SUMF1: variants seen among roughly 807,000 people sequenced by gnomAD.
The protein encoded by SUMF1 is formylglycine-generating enzyme.
In SUMF1, 48 loss-of-function variants were observed where a neutral mutation model predicts 47.6. The observed-to-expected ratio is 1.01, with a 90% CI of 0.80 to 1.28. The LOEUF is 1.28. Among genes scored for constraint, SUMF1 ranks in the 50% most tolerant of loss-of-function variants. The pLI is 0.00. For missense variants in SUMF1, 571 were observed against 485.4 expected (o/e 1.18, Z -1.66); for synonymous variants, 230 against 192.1 (o/e 1.20, Z -1.63).
At chr3:4,037,665 A>G (rs955815994) in intron 9 of SUMF1, among the ~76,000 whole-genome samples, 7 of 152,320 alleles carry the variant, frequency 4.6e-5, no homozygotes, top group Admixed American at 2.6e-4. Flanking sequence ...CATTTCAGAC[A>G]ACTCAGCTGG....
At chr3:4,376,455 G>A (rs1374392041) in intron 7 of SUMF1, 66 bp from the exon 8 acceptor site, 2 of 1,525,960 alleles carry the variant, frequency 1.3e-6, no homozygotes, top group Non-Finnish European at 1.8e-6. Flanking sequence ...CAGTGGGAGA[G>A]AATCCACTTT....
At chr3:4,426,856 T>G (rs893246606) in intron 3 of SUMF1, among the ~76,000 whole-genome samples, 1 of 152,190 alleles carries the variant, frequency 6.6e-6, no homozygotes, top group South Asian at 2.1e-4. Context: ...ATGACCTATT[T>G]CTAGTCAACC....
intron 8 of SUMF1, among the ~76,000 whole-genome samples, chr3:4,069,510 T>G (rs1226267882): frequency 6.6e-6 from 1 of 152,168 alleles, no homozygotes; most frequent in Non-Finnish European, 1.5e-5. Context: ...TAACATGCAA[T>G]CTATGTGCCC....
chr3:4,093,812 T>C (rs1419361777), intron 8 of SUMF1, among the ~76,000 whole-genome samples: 1 of 152,136 alleles, frequency 6.6e-6, no homozygotes, highest in Non-Finnish European at 1.5e-5. Context: ...TGTAAATTAT[T>C]CTCAGTTAAT....
intron 8 of SUMF1, among the ~76,000 whole-genome samples, chr3:4,182,380 TTAA>T (rs1695115089): frequency 6.7e-6 from 1 of 149,432 alleles, no homozygotes; most frequent in East Asian, 1.9e-4. Context: ...GTTATATCTA[TTAA>T]TAAATTATAT....
At position 4,452,895 on chromosome 3, in the gene SUMF1, G is replaced by A. The variant is rs2125133568; in HGVS notation, c.425C>T (p.Ser142Leu). The part of the protein sequence containing the change: ...SNTEFEKFVN[S>L]TGYLTEAEKF... Reference sequence around the variant, plus strand: ...CATTACCTCTGTCAAATAGCCAGTTGAGTTCACAAACTTCTCAAATTCAGT... The same window carrying A: ...CATTACCTCTGTCAAATAGCCAGTTAAGTTCACAAACTTCTCAAATTCAGT... Residue 142 changes from serine (S) to leucine (L), a missense_variant, in exon 2 of 9, where the codon TCA becomes TTA. By Grantham distance (145) the Ser-to-Leu change is moderately radical (BLOSUM62 -2). Coordinates refer to ENST00000272902, the MANE Select transcript of SUMF1 (RefSeq NM_182760.4). 1 of 1,614,160 alleles carries A rather than the reference G, an allele frequency of 6.2e-7. No individual in the cohort carries two copies. The highest frequency in any genetic ancestry group is 8.5e-7 in the Non-Finnish European group (1 of 1,180,042).
intron 3 of SUMF1, among the ~76,000 whole-genome samples, chr3:4,423,233 C>T (rs1701960864): frequency 6.6e-6 from 1 of 151,150 alleles, no homozygotes; most frequent in Non-Finnish European, 1.5e-5. Context: ...AAATGTGGAA[C>T]CAACCCAAAT....
At position 4,376,403 on chromosome 3, in the gene SUMF1, A is replaced by G. The variant is rs778839843; in HGVS notation, c.955-14T>C. 6.2e-7 allele frequency: 1 copy of G among 1,614,126 alleles called. No homozygotes were observed. The highest frequency in any genetic ancestry group is 8.5e-7 in the Non-Finnish European group (1 of 1,179,972). ...AGGGGGACCTTTCTACAGATGAAGAAAAAAGGCTATGTTAGACCAGAAGGC... is the reference window on the plus strand; with the variant it reads ...AGGGGGACCTTTCTACAGATGAAGAGAAAAGGCTATGTTAGACCAGAAGGC... On this transcript the variant is annotated splice_polypyrimidine_tract_variant and intron_variant, in intron 7 of 8. Transcript: ENST00000272902.
chr3:4,151,511 G>GTATATATACGTATATATGTGTATATA (rs1369970097), intron 8 of SUMF1, among the ~76,000 whole-genome samples: 1 of 142,900 alleles, frequency 7.0e-6, no homozygotes, highest in Non-Finnish European at 1.5e-5. Flanking sequence ...ATGTGTATAT[G>GTATATATACGTATATATGTGTATATA]TATACGTATA....
chr3:4,252,890 A>T (rs1180492283), intron 8 of SUMF1, among the ~76,000 whole-genome samples: 1 of 152,212 alleles, frequency 6.6e-6, no homozygotes, highest in Non-Finnish European at 1.5e-5. Context: ...ACCCTAAAAC[A>T]AATGTGATCC....
chr3:4,307,214 G>T (rs1698222758), intron 8 of SUMF1, among the ~76,000 whole-genome samples: 1 of 152,114 alleles, frequency 6.6e-6, no homozygotes, highest in Non-Finnish European at 1.5e-5. Context: ...TCAGTTTCTG[G>T]GTCTTCAGTA....
At chr3:4,242,678 T>C (rs1696567775) in intron 8 of SUMF1, among the ~76,000 whole-genome samples, 1 of 152,216 alleles carries the variant, frequency 6.6e-6, no homozygotes. Context: ...AGTTTGCCAG[T>C]ATTTTATTGA....
At chr3:4,465,476 TAAA>T (rs991984480) in intron 1 of SUMF1, among the ~76,000 whole-genome samples, 8 of 131,274 alleles carry the variant, frequency 6.1e-5, no homozygotes, top group African/African-American at 2.3e-4. Flanking sequence ...AGACTCCGTC[TAAA>T]AAAAAAAAAA....
At chr3:4,256,103 C>T (rs1188638669) in intron 8 of SUMF1, among the ~76,000 whole-genome samples, 17 of 145,958 alleles carry the variant, frequency 1.2e-4, no homozygotes, top group Admixed American at 3.4e-4. Flanking sequence ...ATCTCTGGGA[C>T]GCATTCAAAG....
intron 8 of SUMF1, among the ~76,000 whole-genome samples, chr3:4,234,452 C>T (rs893209566): frequency 6.6e-6 from 1 of 152,062 alleles, no homozygotes; most frequent in East Asian, 1.9e-4. Context: ...ATAATGCTAA[C>T]TCCCTATGTA....
chr3:4,339,397 G>A (rs1559232449), intron 8 of SUMF1, among the ~76,000 whole-genome samples: 1 of 152,186 alleles, frequency 6.6e-6, no homozygotes, highest in Non-Finnish European at 1.5e-5. Flanking sequence ...CTGTGGAATG[G>A]AAGGAAAGGA....
chr3:4,284,176 G>C (rs887369482), intron 8 of SUMF1, among the ~76,000 whole-genome samples: 1 of 151,916 alleles, frequency 6.6e-6, no homozygotes, highest in Non-Finnish European at 1.5e-5. Flanking sequence ...AGCACTTTGG[G>C]AGCTGAGGCA....
At chr3:4,058,399 G>A (rs1179523548) in intron 9 of SUMF1, among the ~76,000 whole-genome samples, 2 of 152,002 alleles carry the variant, frequency 1.3e-5, no homozygotes, top group African/African-American at 4.8e-5. Flanking sequence ...TAATATTCAG[G>A]GACATGATAA....
At chr3:4,333,702 T>C (rs1454840406) in intron 8 of SUMF1, among the ~76,000 whole-genome samples, 1 of 152,044 alleles carries the variant, frequency 6.6e-6, no homozygotes, top group Non-Finnish European at 1.5e-5. Context: ...CCATATCCTA[T>C]GGGATGAGGA....
Sources: allele counts gnomAD v4.1 joint callset (sites outside exome capture counted in the v4.1 genomes callset), GRCh38; gene constraint gnomAD v4.1.1; transcripts MANE v1.5; gene names NCBI Gene and HGNC (gene_info 2026-07-23, HGNC 2026-07-21).